PRKCH: variants seen among roughly 807,000 people sequenced by gnomAD.
PRKCH encodes the protein protein kinase C eta.
PRKCH carries 28 observed loss-of-function variants against 82.5 expected under a neutral mutation model. The observed-to-expected ratio is 0.34, with a 90% CI of 0.25 to 0.47. The LOEUF (loss-of-function observed/expected upper bound fraction) is 0.47, where lower values mean the gene tolerates loss of function less well. Ranked by LOEUF, PRKCH falls within the 20% of genes least tolerant of loss-of-function variation. The pLI, the probability that PRKCH is intolerant of heterozygous loss-of-function variation, is 1.00. For synonymous variants in PRKCH, 322 were observed against 327.4 expected (o/e 0.98, Z 0.18); for missense variants, 705 against 881.8 (o/e 0.80, Z 2.54).
At chr14:61,529,391 A>T (rs2140006306) in intron 11 of PRKCH, among the ~76,000 whole-genome samples, 178 bp downstream of exon 11, 2 of 152,220 alleles carry the variant, frequency 1.3e-5, no homozygotes, top group South Asian at 4.1e-4. Context: ...AAAATGGCCT[A>T]AGTCCCTCTA....
intron 1 of PRKCH, chr14:61,279,195 CA>C (rs1566804075): frequency 6.6e-6 from 1 of 152,186 alleles, no homozygotes; most frequent in Non-Finnish European, 1.5e-5. Flanking sequence ...GCTTTTACAC[CA>C]AAATACTAAA....
intron 9 of PRKCH, among the ~76,000 whole-genome samples, chr14:61,466,488 G>C (rs376617353): frequency 6.6e-6 from 1 of 152,138 alleles, no homozygotes. Flanking sequence ...CCTGGAGAGA[G>C]AGGAACAAAG....
intron 1 of PRKCH, among the ~76,000 whole-genome samples, chr14:61,386,836 T>C (rs1279395183): frequency 6.6e-6 from 1 of 152,186 alleles, no homozygotes; most frequent in African/African-American, 2.4e-5. Context: ...ATTTGACCTA[T>C]TCTCTTTGGC....
chr14:61,349,248 TTGA>T (rs534488789), intron 1 of PRKCH, among the ~76,000 whole-genome samples: 1 of 152,222 alleles, frequency 6.6e-6, no homozygotes, highest in Non-Finnish European at 1.5e-5. Flanking sequence ...TGTCTTGGAC[TTGA>T]TGACAGATCT....
chr14:61,350,898 T>C (rs2046065479), intron 1 of PRKCH, among the ~76,000 whole-genome samples: 1 of 152,154 alleles, frequency 6.6e-6, no homozygotes, highest in Non-Finnish European at 1.5e-5. Flanking sequence ...GTAGAGGGAT[T>C]GTAGGTTATT....
chr14:61,262,020 G>A (rs2045049982), intron 1 of PRKCH, among the ~76,000 whole-genome samples: 1 of 152,018 alleles, frequency 6.6e-6, no homozygotes, highest in African/African-American at 2.4e-5. Flanking sequence ...AGGAGTTCAT[G>A]ACCAGCCTGG....
At chr14:61,246,409 A>G (rs1366168165) in intron 1 of PRKCH, among the ~76,000 whole-genome samples, 1 of 6,462 alleles carries the variant, frequency 1.5e-4, no homozygotes, top group Non-Finnish European at 3.3e-4. Flanking sequence ...CTCTGTCTCA[A>G]AGAAAAAAAA....
chr14:61,191,334 G>A (rs917320230), intron 1 of PRKCH, among the ~76,000 whole-genome samples: 2 of 152,124 alleles, frequency 1.3e-5, no homozygotes, highest in South Asian at 2.1e-4. Flanking sequence ...AGGCTCTCCC[G>A]AAAGGCCTGT....
At chr14:61,278,539 C>T (rs972271343) in intron 1 of PRKCH, 1 of 152,178 alleles carries the variant, frequency 6.6e-6, no homozygotes, top group Non-Finnish European at 1.5e-5. Context: ...AAAAGTACTT[C>T]AAGATCTTGC....
intron 1 of PRKCH, among the ~76,000 whole-genome samples, chr14:61,222,572 G>T (rs1378201587): frequency 1.3e-5 from 2 of 152,170 alleles, no homozygotes; most frequent in African/African-American, 4.8e-5. Flanking sequence ...CCTGAGAATT[G>T]TGTGTTCAGA....
intron 10 of PRKCH, among the ~76,000 whole-genome samples, chr14:61,495,566 T>C (rs1161048400): frequency 6.6e-6 from 1 of 152,198 alleles, no homozygotes; most frequent in Non-Finnish European, 1.5e-5. Context: ...CAAATGTTTA[T>C]GAAAAGTCTA....
chr14:61,223,307 C>T (rs1172805135), intron 1 of PRKCH, among the ~76,000 whole-genome samples: 2 of 152,218 alleles, frequency 1.3e-5, no homozygotes, highest in African/African-American at 4.8e-5. Flanking sequence ...CGACTCCTGA[C>T]ATCAAAGTGA....
intron 1 of PRKCH, among the ~76,000 whole-genome samples, chr14:61,346,814 A>G (rs1280688317): frequency 6.6e-6 from 1 of 152,220 alleles, no homozygotes; most frequent in African/African-American, 2.4e-5. Flanking sequence ...TGTGGACTTG[A>G]TTTAAAGTCG....
intron 1 of PRKCH, among the ~76,000 whole-genome samples, chr14:61,292,529 C>G (rs1351939561): frequency 6.6e-6 from 1 of 151,800 alleles, no homozygotes; most frequent in Non-Finnish European, 1.5e-5. Flanking sequence ...AATCCCAGCA[C>G]TTTTGGAGGC....
intron 1 of PRKCH, among the ~76,000 whole-genome samples, chr14:61,228,481 G>A (rs2044715127): frequency 6.6e-6 from 1 of 152,124 alleles, no homozygotes; most frequent in Non-Finnish European, 1.5e-5. Flanking sequence ...GGCGATCAGA[G>A]TTTGTACTTG....
At chr14:61,313,972 C>T (rs2045543522) in intron 1 of PRKCH, among the ~76,000 whole-genome samples, 1 of 152,180 alleles carries the variant, frequency 6.6e-6, no homozygotes, top group Non-Finnish European at 1.5e-5. Flanking sequence ...GCATGTGCCA[C>T]CACGCCCAGC....
At chr14:61,541,837 C>G (rs1201086576) in intron 12 of PRKCH, among the ~76,000 whole-genome samples, 2 of 152,190 alleles carry the variant, frequency 1.3e-5, no homozygotes, top group Non-Finnish European at 2.9e-5. Flanking sequence ...CTGGAACATC[C>G]AACAACTCAA....
intron 1 of PRKCH, among the ~76,000 whole-genome samples, chr14:61,191,195 G>A (rs2044404810): frequency 6.6e-6 from 1 of 152,168 alleles, no homozygotes; most frequent in African/African-American, 2.4e-5. Context: ...TTTTCTCCAA[G>A]CAGCTTCCGT....
chr14:61,495,063 T>C (rs1457618043), intron 10 of PRKCH, among the ~76,000 whole-genome samples: 4 of 152,236 alleles, frequency 2.6e-5, no homozygotes, highest in African/African-American at 9.6e-5. Context: ...GACCTCATTT[T>C]GAGTTTACGC....
Sources: allele counts gnomAD v4.1 joint callset (sites outside exome capture counted in the v4.1 genomes callset), GRCh38; gene constraint gnomAD v4.1.1; transcripts MANE v1.5; gene names NCBI Gene and HGNC (gene_info 2026-07-23, HGNC 2026-07-21).